Variants in PHKA1 observed in about 807,000 individuals in gnomAD.
PHKA1 encodes phosphorylase b kinase regulatory subunit alpha, skeletal muscle isoform.
In PHKA1, 60 loss-of-function variants were observed where a neutral mutation model predicts 110.2. That is an observed-to-expected ratio of 0.54 (90% CI 0.44 to 0.68). The LOEUF is 0.68. PHKA1 is among the 30% of genes least tolerant of loss of function. The pLI is 0.00. For missense variants in PHKA1, 801 were observed against 942.5 expected, an observed-to-expected ratio of 0.85 and a Z score of 1.97; for synonymous variants, 316 against 333.6, an observed-to-expected ratio of 0.95 and a Z score of 0.58.
In PHKA1 at chrX:72,580,868, T is replaced by A; in HGVS notation, c.*134A>T. 1 of 602,013 alleles carries A rather than the reference T, an allele frequency of 1.7e-6. No individual in the cohort carries two copies. The highest frequency in any genetic ancestry group is 2.7e-6 in the Non-Finnish European group (1 of 363,760). The allele number at this position is 602,013 out of a possible 1,213,427, so 49.6% of individuals were successfully genotyped here. On this transcript the variant is annotated 3_prime_UTR_variant, in exon 32 of 32. Coordinates refer to ENST00000373542, the MANE Select transcript of PHKA1 (RefSeq NM_002637.4). ...AGTAGTTAGTTTATCGAAAAAGTTC[T>A]CTCTTCTTGGGAAGGATGGGACAGA...
intron 5 of PHKA1, among the ~76,000 whole-genome samples, chrX:72,684,168 A>G (rs1021030701): frequency 4.5e-5 from 5 of 112,327 alleles, no homozygotes; most frequent in African/African-American, 1.6e-4. Context: ...CTGACCCACA[A>G]TACAACCTAG....
At chrX:72,705,887 T>C (rs1418504415) in intron 2 of PHKA1, among the ~76,000 whole-genome samples, 1 of 111,792 alleles carries the variant, frequency 8.9e-6, no homozygotes, top group African/African-American at 3.3e-5. Flanking sequence ...AACTATATAC[T>C]ACATGACACT....
chrX:72,635,672 T>G (rs887167283), intron 15 of PHKA1, among the ~76,000 whole-genome samples: 1 of 111,999 alleles, frequency 8.9e-6, no homozygotes, highest in African/African-American at 3.2e-5. Context: ...TCCATTACTC[T>G]TTTGTTTATA....
intron 3 of PHKA1, among the ~76,000 whole-genome samples, chrX:72,703,738 A>T (rs1231060996): frequency 1.8e-5 from 2 of 111,615 alleles, no homozygotes; most frequent in East Asian, 5.6e-4. Context: ...AGTAGCAAAG[A>T]CTTTCTATCT....
intron 23 of PHKA1, 37 bp downstream of exon 23, chrX:72,609,587 T>C: frequency 1.0e-6 from 1 of 1,002,454 alleles, no homozygotes; most frequent in Non-Finnish European, 1.4e-6. Flanking sequence ...ACACCACTCC[T>C]TCTCAGAGAA....
intron 3 of PHKA1, among the ~76,000 whole-genome samples, chrX:72,701,937 G>C (rs1556329797): frequency 1.8e-5 from 2 of 112,151 alleles, no homozygotes; most frequent in Non-Finnish European, 3.8e-5. Context: ...CCCATTGTTA[G>C]ATTCTAGTCT....
At position 72,649,391 on chromosome X, in the gene PHKA1, C is replaced by T. The variant is rs147580386; in HGVS notation, c.1324+999G>A. ...ATTGAGAGAAATAAGGAAGGTAGAA[C>T]GATTTGCATTTCTTAGGAGAGGAAA... On this transcript the variant is annotated intron_variant, in intron 13 of 31. Coordinates refer to ENST00000373542, the MANE Select transcript of PHKA1 (RefSeq NM_002637.4). Among the ~76,000 whole-genome samples, 302 of 111,173 alleles carry T rather than the reference C, an allele frequency of 2.7e-3. 1 individual carries two copies. The highest frequency in any genetic ancestry group is 9.7e-3 in the African/African-American group (297 of 30,626).
chrX:72,654,897 A>G (rs782015877), intron 10 of PHKA1, among the ~76,000 whole-genome samples: 16 of 102,408 alleles, frequency 1.6e-4, no homozygotes, highest in African/African-American at 5.7e-4. Flanking sequence ...TCCCGGGTTC[A>G]CGCCATTCTC....
chrX:72,629,551 T>G (rs1556285512), intron 16 of PHKA1, among the ~76,000 whole-genome samples: 1 of 112,231 alleles, frequency 8.9e-6, no homozygotes, highest in African/African-American at 3.2e-5. Flanking sequence ...AATTAATGTT[T>G]ACATGGTATA....
intron 1 of PHKA1, 149 bp from the exon 2 acceptor site, chrX:72,713,086 T>G (rs1354161766): frequency 1.8e-6 from 1 of 543,050 alleles, no homozygotes; most frequent in Middle Eastern, 4.5e-4. Context: ...TCTGACCTAT[T>G]GCAGGCAAAT....
At chrX:72,683,180 G>A (rs1054368807) in intron 5 of PHKA1, among the ~76,000 whole-genome samples, 3 of 112,374 alleles carry the variant, frequency 2.7e-5, no homozygotes, top group Non-Finnish European at 3.8e-5. Context: ...GCTCATGCCT[G>A]TAATCCTAGC....
chrX:72,584,375 G>C, intron 29 of PHKA1, 73 bp from the exon 30 acceptor site: 2 of 933,846 alleles, frequency 2.1e-6, no homozygotes, highest in Non-Finnish European at 3.1e-6. Flanking sequence ...GGGAGGCTAT[G>C]AGGAGACGCT....
chrX:72,626,057 T>C (rs992516383), intron 17 of PHKA1, among the ~76,000 whole-genome samples: 20 of 106,006 alleles, frequency 1.9e-4, no homozygotes, highest in Non-Finnish European at 2.8e-4. Flanking sequence ...CAAAAAAGCA[T>C]GTGTGTACAT....
chrX:72,695,930 G>A, intron 3 of PHKA1, 54 bp from the exon 4 acceptor site: 1 of 962,679 alleles, frequency 1.0e-6, no homozygotes, highest in Non-Finnish European at 1.5e-6. Flanking sequence ...CAACCCATAT[G>A]CCACACTTCT....
At chrX:72,694,534 C>T (rs1172438386) in intron 4 of PHKA1, among the ~76,000 whole-genome samples, 1 of 112,116 alleles carries the variant, frequency 8.9e-6, no homozygotes, top group Non-Finnish European at 1.9e-5. Context: ...TGGGCAGTAC[C>T]TTTCAAATTT....
intron 22 of PHKA1, 29 bp from the exon 23 acceptor site, chrX:72,609,732 T>C: frequency 9.7e-7 from 1 of 1,027,272 alleles, no homozygotes; most frequent in Non-Finnish European, 1.4e-6. Flanking sequence ...ATATTATCGT[T>C]TCTGTAACAC....
At chrX:72,684,771 C>T (rs782129292) in intron 4 of PHKA1, among the ~76,000 whole-genome samples, 191 bp from the exon 5 acceptor site, 2 of 111,093 alleles carry the variant, frequency 1.8e-5, no homozygotes, top group East Asian at 5.6e-4. Context: ...TCCAACTAAG[C>T]GAGATATAAG....
At chrX:72,607,376 C>T (rs1238631612) in intron 23 of PHKA1, among the ~76,000 whole-genome samples, 1 of 111,753 alleles carries the variant, frequency 8.9e-6, no homozygotes, top group Non-Finnish European at 1.9e-5. Context: ...ACATCCTTGC[C>T]AGCATTTGTT....
chrX:72,620,683 G>A (rs2052963761), intron 19 of PHKA1, 42 bp downstream of exon 19: 1 of 1,138,320 alleles, frequency 8.8e-7, no homozygotes, highest in African/African-American at 1.8e-5. Flanking sequence ...TGGGCTTCAC[G>A]TCATCCTGTG....
Sources: allele counts gnomAD v4.1 joint callset (sites outside exome capture counted in the v4.1 genomes callset), GRCh38; gene constraint gnomAD v4.1.1; transcripts MANE v1.5; gene names NCBI Gene and HGNC (gene_info 2026-07-23, HGNC 2026-07-21).